Variants in SCAPER observed in about 807,000 individuals in gnomAD.
SCAPER encodes S-phase cyclin A associated protein in the ER.
Under a neutral mutation model 182.2 loss-of-function variants are expected in SCAPER, and 98 were observed. The ratio of observed to expected loss-of-function variants is 0.54; its 90% CI spans 0.46 to 0.64. The LOEUF is 0.64. SCAPER is among the 30% of genes least tolerant of loss of function. SCAPER has a pLI of 0.00. For missense variants in SCAPER, 1,432 were observed against 1,690.0 expected (o/e 0.85, Z 2.68); for synonymous variants, 605 against 564.6 (o/e 1.07, Z -1.01).
At chr15:76,421,352 T>G (rs927686172) in intron 26 of SCAPER, among the ~76,000 whole-genome samples, 6 of 152,234 alleles carry the variant, frequency 3.9e-5, no homozygotes, top group African/African-American at 1.2e-4. Context: ...GGTTTTGATT[T>G]GCATTTCTCT....
At chr15:76,381,077 T>C in intron 28 of SCAPER, 1 of 167,262 alleles carries the variant, frequency 6.0e-6, no homozygotes, top group Non-Finnish European at 1.3e-5. Context: ...TGGTTACTAG[T>C]CCTGGTTCAC....
intron 1 of SCAPER, among the ~76,000 whole-genome samples, chr15:76,890,838 T>C (rs1380406958): frequency 1.3e-5 from 2 of 152,208 alleles, no homozygotes; most frequent in African/African-American, 2.4e-5. Flanking sequence ...ATCATCCTGA[T>C]ACCAAAGCCT....
intron 23 of SCAPER, among the ~76,000 whole-genome samples, chr15:76,521,555 C>G (rs1477581007): frequency 6.6e-6 from 1 of 152,052 alleles, no homozygotes; most frequent in Admixed American, 6.6e-5. Context: ...TTCGGTTATC[C>G]ATTTGTGTCC....
chr15:76,465,214 T>C (rs1327244849), intron 25 of SCAPER, among the ~76,000 whole-genome samples: 3 of 152,182 alleles, frequency 2.0e-5, no homozygotes, highest in Non-Finnish European at 4.4e-5. Flanking sequence ...TTCAGGAAGT[T>C]AGGAAGTCCT....
chr15:76,474,735 T>C (rs755106192), intron 24 of SCAPER, among the ~76,000 whole-genome samples: 1 of 152,190 alleles, frequency 6.6e-6, no homozygotes, highest in Non-Finnish European at 1.5e-5. Flanking sequence ...TTATTATTCT[T>C]AATGAATAAG....
At chr15:76,675,048 G>A (rs1026319155) in intron 20 of SCAPER, among the ~76,000 whole-genome samples, 1 of 152,136 alleles carries the variant, frequency 6.6e-6, no homozygotes, top group Non-Finnish European at 1.5e-5. Context: ...TATGGAGAGC[G>A]GATGGAATGC....
At chr15:76,382,424 C>T (rs968342412) in intron 27 of SCAPER, among the ~76,000 whole-genome samples, 1 of 149,668 alleles carries the variant, frequency 6.7e-6, no homozygotes, top group Non-Finnish European at 1.5e-5. Flanking sequence ...AAAGTAGAAC[C>T]ACTCAATGTG....
intron 1 of SCAPER, among the ~76,000 whole-genome samples, chr15:76,902,988 G>A (rs763369769): frequency 1.3e-5 from 2 of 151,960 alleles, no homozygotes; most frequent in Non-Finnish European, 2.9e-5. Context: ...TTGAACTTGG[G>A]AGGTGGAGTT....
At chr15:76,493,517 TTA>T (rs2052535776) in intron 24 of SCAPER, among the ~76,000 whole-genome samples, 1 of 152,202 alleles carries the variant, frequency 6.6e-6, no homozygotes, top group African/African-American at 2.4e-5. Context: ...TGAGAAAGTG[TTA>T]TGTTTCAAAG....
chr15:76,681,739 A>T (rs1291448507), intron 20 of SCAPER, among the ~76,000 whole-genome samples: 1 of 152,164 alleles, frequency 6.6e-6, no homozygotes, highest in African/African-American at 2.4e-5. Flanking sequence ...TAGCAGCAGA[A>T]GACATCACAA....
intron 15 of SCAPER, among the ~76,000 whole-genome samples, chr15:76,742,494 A>AAAAAAAG (rs1567986942): frequency 9.2e-6 from 1 of 108,662 alleles, no homozygotes. Context: ...AAAAAAAAAA[A>AAAAAAAG]GAATAAAAAT....
intron 8 of SCAPER, among the ~76,000 whole-genome samples, chr15:76,789,840 C>A (rs2064873334): frequency 6.6e-6 from 1 of 152,126 alleles, no homozygotes; most frequent in South Asian, 2.1e-4. Context: ...GTCAATATAA[C>A]CAGTAACTGA....
At chr15:76,711,930 T>C (rs1436573990) in intron 17 of SCAPER, among the ~76,000 whole-genome samples, 4 of 152,176 alleles carry the variant, frequency 2.6e-5, no homozygotes, top group African/African-American at 9.7e-5. Flanking sequence ...GTGCAGAAGG[T>C]CTTTAGTTTA....
chr15:76,489,067 T>A (rs1189784809), intron 24 of SCAPER, among the ~76,000 whole-genome samples: 1 of 150,734 alleles, frequency 6.6e-6, no homozygotes, highest in East Asian at 2.0e-4. Context: ...GGATATGAAG[T>A]TCTTGGCACA....
intron 17 of SCAPER, among the ~76,000 whole-genome samples, chr15:76,721,341 G>C (rs992329819): frequency 7.2e-5 from 11 of 152,128 alleles, no homozygotes; most frequent in Admixed American, 3.9e-4. Flanking sequence ...TTGTAGTATA[G>C]TTTGAAGTCA....
At chr15:76,481,009 G>A (rs1425879000) in intron 24 of SCAPER, among the ~76,000 whole-genome samples, 4 of 152,144 alleles carry the variant, frequency 2.6e-5, no homozygotes, top group African/African-American at 7.2e-5. Context: ...GGGATTACAG[G>A]CATGAGCCAC....
chr15:76,384,445 T>C (rs538564899), intron 27 of SCAPER, among the ~76,000 whole-genome samples: 6 of 152,302 alleles, frequency 3.9e-5, no homozygotes, highest in African/African-American at 1.4e-4. Flanking sequence ...GAAGAATATG[T>C]GTAAAAAATC....
chr15:76,599,134 G>T lies in SCAPER; in HGVS notation c.2711+22630C>A, dbSNP rs1300485485. Among the ~76,000 whole-genome samples, 2 of 119,906 alleles carry T rather than the reference G, an allele frequency of 1.7e-5. 1 individual carries two copies. Among genetic ancestry groups the T allele is most frequent in the African/African-American group, 5.1e-5 (2 of 39,454 alleles). The allele number at this position is 119,906 out of a possible 152,430, so 78.7% of individuals were successfully genotyped here. A position where few individuals can be genotyped will look rare whatever the true frequency, so the allele number is the denominator to read the frequency against. ...TCTGAATAGACACTTGCCATAAGAA[G>T]AAATAAATGGCTTATACATACATGA... On this transcript the variant is annotated intron_variant, in intron 22 of 31. Transcript: ENST00000563290.
At chr15:76,471,117 T>A in intron 25 of SCAPER, 95 bp downstream of exon 25, 3 of 934,126 alleles carry the variant, frequency 3.2e-6, no homozygotes, top group Non-Finnish European at 4.2e-6. Context: ...TTTTTTCATC[T>A]GGAGAGTAAC....
Sources: gnomAD v4.1 joint callset for allele counts (sites outside exome capture counted in the v4.1 genomes callset) on GRCh38, gnomAD v4.1.1 for gene constraint, MANE v1.5 for transcripts, NCBI Gene and HGNC (gene_info 2026-07-23, HGNC 2026-07-21) for gene names.